Variants in PLPPR1 observed in about 807,000 individuals in gnomAD.
The protein encoded by PLPPR1 is phospholipid phosphatase related 1, also known as phospholipid phosphatase-related protein type 1.
Under a neutral mutation model 33.1 loss-of-function variants are expected in PLPPR1, and 10 were observed. That is an observed-to-expected ratio of 0.30 (90% CI 0.19 to 0.51). The LOEUF (loss-of-function observed/expected upper bound fraction) is 0.51, where lower values mean the gene tolerates loss of function less well. Ranked by LOEUF, PLPPR1 falls within the 20% of genes least tolerant of loss-of-function variation. PLPPR1 has a pLI of 0.97. For synonymous variants in PLPPR1, 151 were observed against 151.0 expected (o/e 1.00, Z 0.00); for missense variants, 304 against 408.1 (o/e 0.74, Z 2.20).
rs148716236 is a variant in PLPPR1 at position 101,248,593 on chromosome 9, G to T, written c.64-21287G>T. On this transcript the variant is annotated intron_variant, in intron 2 of 7. Transcript: ENST00000374874. Reference sequence around the variant, plus strand: ...CTTAGATTACTTTTCATAACCTCCAGTCAAGCATGGATATCCACAGAGTGA... The same window carrying T: ...CTTAGATTACTTTTCATAACCTCCATTCAAGCATGGATATCCACAGAGTGA... Among the ~76,000 whole-genome samples, 117 of 152,172 alleles carry T rather than the reference G, an allele frequency of 7.7e-4. 2 individuals are homozygous for T. In the East Asian group the frequency reaches 0.02, roughly 27 times the overall value.
At chr9:101,162,305 G>C (rs1825772874) in intron 1 of PLPPR1, among the ~76,000 whole-genome samples, 1 of 152,108 alleles carries the variant, frequency 6.6e-6, no homozygotes, top group South Asian at 2.1e-4. Context: ...ACAAGCAGCA[G>C]GAATATCTTC....
chr9:101,133,161 T>C (rs75961723), intron 1 of PLPPR1, among the ~76,000 whole-genome samples: 1,807 of 152,304 alleles, frequency 0.012, 29 homozygotes, highest in African/African-American at 0.042. Context: ...AATACCCACT[T>C]TGATCCACAA....
chr9:101,238,025 T>A (rs1827351897), intron 2 of PLPPR1, among the ~76,000 whole-genome samples: 2 of 131,342 alleles, frequency 1.5e-5, no homozygotes, highest in South Asian at 2.5e-4. Flanking sequence ...CAAATAGACT[T>A]AAATCAGAGA....
chr9:101,290,902 T>C (rs1451379087), intron 4 of PLPPR1, among the ~76,000 whole-genome samples: 1 of 152,222 alleles, frequency 6.6e-6, no homozygotes, highest in Non-Finnish European at 1.5e-5. Flanking sequence ...GGTACCTGGT[T>C]CATCTCACTA....
intron 1 of PLPPR1, among the ~76,000 whole-genome samples, chr9:101,101,468 C>T (rs1240893912): frequency 2.0e-5 from 3 of 149,664 alleles, no homozygotes; most frequent in Non-Finnish European, 3.0e-5. Context: ...CAGCTCTGGA[C>T]AGTGGTTGAC....
intron 7 of PLPPR1, among the ~76,000 whole-genome samples, chr9:101,320,899 G>T (rs1280926040): frequency 6.6e-6 from 1 of 152,098 alleles, no homozygotes. Context: ...AGGCCCTGCT[G>T]GTTCTCCTAC....
At chr9:101,192,857 T>C (rs1050349850) in intron 2 of PLPPR1, among the ~76,000 whole-genome samples, 1 of 152,188 alleles carries the variant, frequency 6.6e-6, no homozygotes, top group East Asian at 1.9e-4. Context: ...CAATGACAAA[T>C]ATAAAGTACT....
chr9:101,148,250 ACT>A (rs1345307143), intron 1 of PLPPR1, among the ~76,000 whole-genome samples: 1 of 151,712 alleles, frequency 6.6e-6, no homozygotes, highest in African/African-American at 2.4e-5. Context: ...CTGGCTGGGG[ACT>A]CTGCCCTCTT....
At chr9:101,141,682 G>T (rs1831452549) in intron 1 of PLPPR1, among the ~76,000 whole-genome samples, 1 of 152,148 alleles carries the variant, frequency 6.6e-6, no homozygotes, top group Non-Finnish European at 1.5e-5. Flanking sequence ...AAAAATAGTA[G>T]ATTGAAAGTT....
intron 2 of PLPPR1, among the ~76,000 whole-genome samples, chr9:101,252,166 A>G (rs1399434830): frequency 6.6e-6 from 1 of 152,158 alleles, no homozygotes; most frequent in Admixed American, 6.6e-5. Flanking sequence ...AAAGTGAAAT[A>G]AAAAAATTCC....
chr9:101,138,088 G>T (rs1172657947), intron 1 of PLPPR1, among the ~76,000 whole-genome samples: 1 of 152,156 alleles, frequency 6.6e-6, no homozygotes, highest in East Asian at 1.9e-4. Flanking sequence ...TGCACATCCA[G>T]TCATTAAGAC....
chr9:101,109,065 T>A (rs1386145832), intron 1 of PLPPR1, among the ~76,000 whole-genome samples: 1 of 151,062 alleles, frequency 6.6e-6, no homozygotes, highest in Non-Finnish European at 1.5e-5. Context: ...TTGACGCCAT[T>A]CTCCTGCCTC....
intron 2 of PLPPR1, among the ~76,000 whole-genome samples, chr9:101,258,341 A>G (rs1827837933): frequency 1.3e-5 from 2 of 152,166 alleles, no homozygotes; most frequent in African/African-American, 4.8e-5. Flanking sequence ...ATTGTGTTAT[A>G]ACACTGATAA....
intron 2 of PLPPR1, among the ~76,000 whole-genome samples, chr9:101,261,813 G>T (rs1827903999): frequency 6.6e-6 from 1 of 152,024 alleles, no homozygotes; most frequent in African/African-American, 2.4e-5. Context: ...TCGACACATA[G>T]AGGGGAACAA....
intron 1 of PLPPR1, among the ~76,000 whole-genome samples, chr9:101,087,151 C>T (rs1400483828): frequency 4.6e-5 from 6 of 131,218 alleles, no homozygotes; most frequent in African/African-American, 1.6e-4. Context: ...GTACTCCAGC[C>T]TGGGTGACAG....
At chr9:101,220,604 C>T (rs1382494912) in intron 2 of PLPPR1, among the ~76,000 whole-genome samples, 1 of 152,126 alleles carries the variant, frequency 6.6e-6, no homozygotes, top group African/African-American at 2.4e-5. Flanking sequence ...CATGTTTCAC[C>T]CCTTGGCCTA....
At chr9:101,247,321 C>A (rs1057129166) in intron 2 of PLPPR1, among the ~76,000 whole-genome samples, 8 of 151,998 alleles carry the variant, frequency 5.3e-5, no homozygotes, top group Non-Finnish European at 1.0e-4. Flanking sequence ...ACAGAAGCAG[C>A]AACACAAAGG....
In PLPPR1 at chr9:101,201,433, A is replaced by G. The variant is rs376632282; in HGVS notation, c.63+15876A>G. ...AAACACTTTGAAGCTAAAATATAGTATGCTTTATTTTCAGCTCTGGAGTAA... is the reference window on the plus strand; with the variant it reads ...AAACACTTTGAAGCTAAAATATAGTGTGCTTTATTTTCAGCTCTGGAGTAA... On this transcript the variant is annotated intron_variant, in intron 2 of 7. Coordinates refer to ENST00000374874, the MANE Select transcript of PLPPR1 (RefSeq NM_207299.2). Among the ~76,000 whole-genome samples the G allele has an allele frequency of 3.9e-5, 6 of 152,206 alleles. No individual in the cohort carries two copies. The East Asian group carries it at 7.7e-4, about 20-fold the overall frequency.
intron 2 of PLPPR1, chr9:101,187,296 T>G (rs1046412876): frequency 1.3e-5 from 2 of 151,894 alleles, no homozygotes; most frequent in Admixed American, 1.3e-4. Context: ...AAGTGAGATG[T>G]TTAATTTATT....
Sources: gnomAD v4.1 joint callset for allele counts (sites outside exome capture counted in the v4.1 genomes callset) on GRCh38, gnomAD v4.1.1 for gene constraint, MANE v1.5 for transcripts, NCBI Gene and HGNC (gene_info 2026-07-23, HGNC 2026-07-21) for gene names.